Variants in CTCF observed in about 807,000 individuals in gnomAD.
The protein encoded by CTCF is CCCTC-binding factor.
Under a neutral mutation model 72.3 loss-of-function variants are expected in CTCF, and 7 were observed. The ratio of observed to expected loss-of-function variants is 0.10; its 90% CI spans 0.06 to 0.18. The LOEUF (loss-of-function observed/expected upper bound fraction) is 0.18. Ranked by LOEUF, CTCF falls within the 10% of genes least tolerant of loss-of-function variation. CTCF has a pLI of 1.00. For missense variants in CTCF, 516 were observed against 949.1 expected, an observed-to-expected ratio of 0.54 and a Z score of 6.00; for synonymous variants, 374 against 315.8, an observed-to-expected ratio of 1.18 and a Z score of -1.95.
intron 2 of CTCF, among the ~76,000 whole-genome samples, chr16:67,594,792 G>A (rs557460816): frequency 5.7e-4 from 87 of 152,208 alleles, no homozygotes; most frequent in African/African-American, 2.0e-3. Flanking sequence ...ATCCATTGCT[G>A]TAGAGACTAC....
At chr16:67,637,289 T>TG (rs1449770911) in intron 11 of CTCF, among the ~76,000 whole-genome samples, 1 of 152,188 alleles carries the variant, frequency 6.6e-6, no homozygotes, top group Non-Finnish European at 1.5e-5. Context: ...CCCAGCACTT[T>TG]GGGGGGCCAA....
rs2052062081 is a variant in CTCF, at chr16:67,611,488, A to G, written c.656A>G (p.Lys219Arg). The change falls in exon 3 of 12, where the codon AAA becomes AGA. Residue 219 changes from lysine to arginine, a missense_variant. Transcript: ENST00000264010. Reference sequence around the variant, plus strand: ...AAACTGCGTTATACAGAGGAGGGCAAAGATGTAGATGTGTCTGTCTACGAT... The same window carrying G: ...AAACTGCGTTATACAGAGGAGGGCAGAGATGTAGATGTGTCTGTCTACGAT... ...KSKLRYTEEG[K>R]DVDVSVYDFE... 2 of 1,614,262 alleles carry G rather than the reference A, an allele frequency of 1.2e-6. No homozygotes were observed. Among genetic ancestry groups the G allele is most frequent in the Non-Finnish European group, 1.7e-6 (2 of 1,180,044 alleles).
At chr16:67,583,546 G>T (rs528111049) in intron 2 of CTCF, among the ~76,000 whole-genome samples, 8 of 152,146 alleles carry the variant, frequency 5.3e-5, no homozygotes, top group African/African-American at 1.7e-4. Flanking sequence ...ACTTAGCCGG[G>T]TGTAGTGGGG....
At chr16:67,624,806 C>G (rs1393282230) in intron 7 of CTCF, among the ~76,000 whole-genome samples, 1 of 151,982 alleles carries the variant, frequency 6.6e-6, no homozygotes, top group Non-Finnish European at 1.5e-5. Flanking sequence ...GTTGCCCAGG[C>G]TGGTCTCGTA....
In CTCF at chr16:67,562,594, C is replaced by G. The variant is rs1387053834; in HGVS notation, c.-257C>G. 1 of 152,494 alleles carries G rather than the reference C, an allele frequency of 6.6e-6. No homozygotes were observed. The allele number at this position is 152,494 out of a possible 1,614,324, so 9.4% of individuals were successfully genotyped here. ...GCCTGTGGAGCGATTAAACCGTGCGCGGAGCTGCTTCTTTGGCGGCAGCGG... is the reference window on the plus strand; with the variant it reads ...GCCTGTGGAGCGATTAAACCGTGCGGGGAGCTGCTTCTTTGGCGGCAGCGG... On this transcript the variant is annotated 5_prime_UTR_variant, in exon 1 of 12. Transcript: ENST00000264010.
In CTCF at chr16:67,610,840, G is replaced by T; in HGVS notation, c.8G>T (p.Gly3Val). 2 of 1,471,518 alleles carry T rather than the reference G, an allele frequency of 1.4e-6. No homozygotes were observed. Among genetic ancestry groups the T allele is most frequent in the East Asian group, 2.3e-5 (1 of 43,366 alleles). The allele number at this position is 1,471,518 out of a possible 1,614,324, so 91.2% of individuals were successfully genotyped here. Residue 3 changes from glycine (G) to valine (V), a missense_variant, in exon 3 of 12, where the codon GGT (glycine) becomes GTT (valine). Physicochemically the swap from Gly to Val is moderately radical, Grantham distance 109. This residue lies in a region of CTCF where 148 missense variants were observed against 194.9 expected (regional missense o/e 0.76). Transcript: ENST00000264010. ...TTAATAAAGGCAGGGGAAATGGAAG[G>T]TGATGCAGTCGAAGCCATTGTGGAG... is the stretch of plus-strand genomic sequence containing the variant. Reference protein sequence around the residue: MEGDAVEAIVEES... With the variant: MEVDAVEAIVEES...
At chr16:67,594,978 A>T (rs1162326028) in intron 2 of CTCF, among the ~76,000 whole-genome samples, 1 of 152,196 alleles carries the variant, frequency 6.6e-6, no homozygotes, top group Non-Finnish European at 1.5e-5. Context: ...CTGATATAGA[A>T]GATGCCCAGC....
intron 2 of CTCF, among the ~76,000 whole-genome samples, chr16:67,597,751 T>A (rs2051833819): frequency 6.6e-6 from 1 of 152,240 alleles, no homozygotes; most frequent in Non-Finnish European, 1.5e-5. Context: ...GCAGTAATTC[T>A]CTTTTCCCTA....
At chr16:67,616,691 GT>G in intron 4 of CTCF, 53 bp from the exon 5 acceptor site, 1 of 1,604,930 alleles carries the variant, frequency 6.2e-7, no homozygotes, top group Non-Finnish European at 8.5e-7. Flanking sequence ...ATTGAACTCT[GT>G]CATTAACTGT....
chr16:67,615,295 C>T (rs978941321), intron 4 of CTCF: 5 of 152,170 alleles, frequency 3.3e-5, no homozygotes, highest in Admixed American at 1.3e-4. Context: ...TAGGTAAACA[C>T]GAGCATTTAT....
In CTCF at chr16:67,604,009, A is replaced by G. The variant is rs765664779; in HGVS notation, c.-9-6815A>G. 3.1e-4 allele frequency among the ~76,000 whole-genome samples: 47 copies of G among 151,272 alleles called. 1 individual carries two copies. Among genetic ancestry groups the G allele is most frequent in the Non-Finnish European group, 4.0e-4 (27 of 67,820 alleles). The stretch of plus-strand genomic sequence containing the variant: ...AGCCTGGTGCCTGGTATGAACCTGT[A>G]GTCCCAGCTACTCGGGAGGCTGAGG... On this transcript the variant is annotated intron_variant, in intron 2 of 11. Transcript: ENST00000264010.
At chr16:67,601,294 CGTGTGTGTGTGTGTGTGTGT>C (rs58241150) in intron 2 of CTCF, among the ~76,000 whole-genome samples, 3 of 98,670 alleles carry the variant, frequency 3.0e-5, no homozygotes, top group African/African-American at 1.2e-4. Flanking sequence ...ACTCTGTCAC[CGTGTGTGTGTGTGTGTGTGT>C]GTGTGTGTGT....
At chr16:67,606,648 T>G (rs910573478) in intron 2 of CTCF, among the ~76,000 whole-genome samples, 2 of 152,102 alleles carry the variant, frequency 1.3e-5, no homozygotes, top group African/African-American at 4.8e-5. Flanking sequence ...AATGTTAAGG[T>G]GCCTAGACAG....
At chr16:67,610,763 G>A (rs994341072) in intron 2 of CTCF, 61 bp from the exon 3 acceptor site, 2 of 1,245,626 alleles carry the variant, frequency 1.6e-6, no homozygotes, top group East Asian at 2.5e-5. Flanking sequence ...GTTTTAAAAT[G>A]TATATTTTTA....
chr16:67,616,957 A>G, intron 5 of CTCF, 79 bp downstream of exon 5: 2 of 1,432,022 alleles, frequency 1.4e-6, no homozygotes, highest in Admixed American at 3.5e-5. Flanking sequence ...ACTACTACCC[A>G]AACGGACTTA....
chr16:67,569,672 C>G (rs2051386512), intron 1 of CTCF, among the ~76,000 whole-genome samples: 1 of 151,640 alleles, frequency 6.6e-6, no homozygotes, highest in Non-Finnish European at 1.5e-5. Flanking sequence ...AGTAAAAGCT[C>G]CTTTTGCCAG....
At chr16:67,607,146 G>A (rs1008651122) in intron 2 of CTCF, among the ~76,000 whole-genome samples, 8 of 151,802 alleles carry the variant, frequency 5.3e-5, no homozygotes, top group South Asian at 2.1e-4. Flanking sequence ...TAATAGAAAC[G>A]GGGTTTTGCC....
rs201099111 is a variant in CTCF at position 67,574,029 on chromosome 16, C to CA, written c.-10+2776dup. ...TTGGCGACAAGGCGAGACTCCATCT[C>CA]AAAAAAAAAAAGACTTACGTGACCA... On this transcript the variant is annotated intron_variant, in intron 2 of 11. Transcript: ENST00000264010. Among the ~76,000 whole-genome samples, 197 of 141,434 alleles carry CA rather than the reference C, an allele frequency of 1.4e-3. 1 individual carries two copies. The East Asian group carries it at 0.025, about 18-fold the overall frequency. 92.8% of individuals were successfully genotyped at this position (141,434 alleles called of 152,430 possible).
At chr16:67,580,563 T>C (rs142398604) in intron 2 of CTCF, among the ~76,000 whole-genome samples, 3 of 151,646 alleles carry the variant, frequency 2.0e-5, no homozygotes, top group African/African-American at 7.2e-5. Context: ...TATTTATTTA[T>C]TTATTTATTA....
Sources: gnomAD v4.1 joint callset for allele counts (sites outside exome capture counted in the v4.1 genomes callset) on GRCh38, gnomAD v4.1.1 for gene constraint, gnomAD v4.1.1 regional missense constraint, MANE v1.5 for transcripts, NCBI Gene and HGNC (gene_info 2026-07-23, HGNC 2026-07-21) for gene names.